Variants in WASHC2C observed in about 807,000 individuals in gnomAD.
WASHC2C encodes the protein WASH complex subunit 2C.
A neutral mutation model predicts 142.2 loss-of-function variants in WASHC2C; 73 were observed. The observed-to-expected ratio is 0.51, with a 90% CI of 0.43 to 0.62. WASHC2C has a LOEUF of 0.62. WASHC2C is among the 20% of genes least tolerant of loss of function. The pLI is 0.00. For missense variants in WASHC2C, 969 were observed against 1,531.7 expected (o/e 0.63, Z 6.13); for synonymous variants, 337 against 565.5 (o/e 0.60, Z 5.73).
chr10:45,761,821 C>A (rs1242519965), intron 17 of WASHC2C, among the ~76,000 whole-genome samples: 1 of 152,158 alleles, frequency 6.6e-6, no homozygotes, highest in Non-Finnish European at 1.5e-5. Context: ...AACAGCAGAA[C>A]CCTTTCTCTT....
intron 19 of WASHC2C, among the ~76,000 whole-genome samples, chr10:45,768,945 CTG>C (rs1436841614): frequency 6.6e-6 from 1 of 151,920 alleles, no homozygotes; most frequent in Non-Finnish European, 1.5e-5. Flanking sequence ...ATGAGAAGCT[CTG>C]TGAGGTCAGA....
rs1330689116 is a variant in WASHC2C, at chr10:45,785,567, A to G, written c.2747A>G (p.Gln916Arg). 5 of 1,613,990 alleles carry G rather than the reference A, an allele frequency of 3.1e-6. No homozygotes were observed. The highest frequency in any genetic ancestry group is 4.2e-6 in the Non-Finnish European group (5 of 1,179,874). ...KDHSVNSFKN[Q>R]KHPESIQGSK... ...CACTCTGTTAACTCTTTCAAAAACCAGAAACATCCTGAATCCATTCAAGGT... is the reference window on the plus strand; with the variant it reads ...CACTCTGTTAACTCTTTCAAAAACCGGAAACATCCTGAATCCATTCAAGGT... Residue 916 changes from glutamine to arginine, a missense_variant, in exon 26 of 31, where the codon CAG (glutamine) becomes CGG (arginine). Transcript: ENST00000623400.
intron 16 of WASHC2C, among the ~76,000 whole-genome samples, chr10:45,758,110 T>A (rs1554878249): frequency 6.6e-6 from 1 of 152,172 alleles, no homozygotes; most frequent in East Asian, 1.9e-4. Context: ...AGAATGTGTC[T>A]CGTGAATTTG....
intron 2 of WASHC2C, among the ~76,000 whole-genome samples, chr10:45,727,759 A>G (rs1472248247): frequency 2.0e-5 from 3 of 151,810 alleles, no homozygotes; most frequent in Non-Finnish European, 4.4e-5. Flanking sequence ...CGTTCCCTTC[A>G]TGGGGTTTCT....
At chr10:45,790,191 C>A (rs1279339093) in intron 29 of WASHC2C, among the ~76,000 whole-genome samples, 165 bp from the exon 30 acceptor site, 2 of 152,140 alleles carry the variant, frequency 1.3e-5, no homozygotes, top group Non-Finnish European at 1.5e-5. Flanking sequence ...ATGCGCGGGC[C>A]AAGCTGTGCA....
intron 13 of WASHC2C, 86 bp downstream of exon 13, chr10:45,753,323 A>C (rs1554875674): frequency 3.3e-6 from 4 of 1,196,846 alleles, no homozygotes; most frequent in Non-Finnish European, 4.6e-6. Context: ...GGTTGTTCCC[A>C]AGCCTTGTTT....
chr10:45,733,154 T>C (rs1349993350), intron 3 of WASHC2C, among the ~76,000 whole-genome samples: 2 of 152,140 alleles, frequency 1.3e-5, no homozygotes, highest in African/African-American at 2.4e-5. Flanking sequence ...GCACACCCCC[T>C]GGATAAAAGC....
intron 6 of WASHC2C, 149 bp from the exon 7 acceptor site, chr10:45,744,672 A>T: frequency 1.7e-6 from 1 of 597,714 alleles, no homozygotes. Context: ...GTAATTCCTC[A>T]CCATAATGAC....
intron 25 of WASHC2C, 75 bp from the exon 26 acceptor site, chr10:45,785,434 G>T: frequency 1.3e-6 from 2 of 1,586,002 alleles, no homozygotes; most frequent in East Asian, 4.5e-5. Context: ...AGCCAGGATT[G>T]TTTTTTGCAT....
intron 20 of WASHC2C, among the ~76,000 whole-genome samples, chr10:45,770,255 A>T (rs549729727): frequency 2.1e-5 from 3 of 144,284 alleles, no homozygotes; most frequent in Non-Finnish European, 3.0e-5. Flanking sequence ...AAAAAAAAAA[A>T]AAAGTTATTT....
intron 27 of WASHC2C, 176 bp downstream of exon 27, chr10:45,786,850 C>G: frequency 7.1e-6 from 11 of 1,549,394 alleles, no homozygotes; most frequent in Non-Finnish European, 9.7e-6. Flanking sequence ...TTCTTTGAGC[C>G]CAGTGGTGGG....
intron 30 of WASHC2C, among the ~76,000 whole-genome samples, chr10:45,791,697 A>G (rs2058403444): frequency 6.8e-6 from 1 of 146,070 alleles, no homozygotes; most frequent in African/African-American, 2.5e-5. Context: ...TATACATGCT[A>G]AAATCATGGT....
intron 19 of WASHC2C, among the ~76,000 whole-genome samples, chr10:45,768,803 A>G (rs1436312493): frequency 1.3e-5 from 2 of 151,802 alleles, no homozygotes; most frequent in Admixed American, 6.6e-5. Context: ...AGTTCTTGGT[A>G]TTTTTACATT....
chr10:45,756,539 C>T (rs2054319368), intron 15 of WASHC2C, among the ~76,000 whole-genome samples: 2 of 151,888 alleles, frequency 1.3e-5, no homozygotes, highest in African/African-American at 2.4e-5. Context: ...CTGAACTGTT[C>T]CCAATGTTCA....
rs782046291 is a variant in WASHC2C, at chr10:45,755,016, A to G, written c.1321A>G (p.Ser441Gly). ...GCCTGAGCAGCCCACTCCAAGGAAAAGCCCCTATGGTCCCCCTCCCACTGG... is the reference window on the plus strand; with the variant it reads ...GCCTGAGCAGCCCACTCCAAGGAAAGGCCCCTATGGTCCCCCTCCCACTGG... ...QKPEQPTPRKSPYGPPPTGLF... is the reference protein window; with the variant it reads ...QKPEQPTPRKGPYGPPPTGLF... The change falls in exon 15 of 31, where the codon AGC becomes GGC. Residue 441 changes from serine (S) to glycine (G), a missense_variant. Coordinates refer to ENST00000623400, the MANE Select transcript of WASHC2C (RefSeq NM_001330074.2). 6.2e-7 allele frequency: 1 copy of G among 1,611,760 alleles called. No homozygotes were observed. The highest frequency in any genetic ancestry group is 1.3e-5 in the African/African-American group (1 of 74,770).
At chr10:45,746,541 C>T in intron 7 of WASHC2C, 59 bp from the exon 8 acceptor site, 1 of 1,584,692 alleles carries the variant, frequency 6.3e-7, no homozygotes, top group Non-Finnish European at 8.7e-7. Flanking sequence ...GACCTGCAAT[C>T]ATTTCTGTGC....
Position 45,735,316 on chromosome 10 carries a change from G to A in WASHC2C, c.292-2667G>A, listed in dbSNP as rs564693155. Among the ~76,000 whole-genome samples, 397 of 150,774 alleles carry A rather than the reference G, an allele frequency of 2.6e-3. 1 individual carries two copies. Among genetic ancestry groups the A allele is most frequent in the Admixed American group, 4.2e-3 (63 of 15,092 alleles). ...GCAATCTCGGCTCACTGCAACCTCTGCCTCCCAAGTTTAAGCGATTCTCCT... is the reference window on the plus strand; with the variant it reads ...GCAATCTCGGCTCACTGCAACCTCTACCTCCCAAGTTTAAGCGATTCTCCT... On this transcript the variant is annotated intron_variant, in intron 3 of 30. Transcript: ENST00000623400.
chr10:45,742,152 A>G (rs1294017521), intron 5 of WASHC2C, among the ~76,000 whole-genome samples: 16 of 152,070 alleles, frequency 1.1e-4, no homozygotes, highest in East Asian at 5.8e-4. Context: ...GACGGCTGAC[A>G]TGGGCAGATC....
chr10:45,751,138 C>A (rs1388859236), intron 10 of WASHC2C, among the ~76,000 whole-genome samples: 2 of 151,858 alleles, frequency 1.3e-5, no homozygotes, highest in African/African-American at 4.8e-5. Context: ...TTAAGAATTC[C>A]TGGCTGAATA....
Sources: allele counts gnomAD v4.1 joint callset (sites outside exome capture counted in the v4.1 genomes callset), GRCh38; gene constraint gnomAD v4.1.1; transcripts MANE v1.5; gene names NCBI Gene and HGNC (gene_info 2026-07-23, HGNC 2026-07-21).